Variants in RTN4 observed in about 807,000 individuals in gnomAD.
RTN4 encodes the protein reticulon-4.
A neutral mutation model predicts 90.4 loss-of-function variants in RTN4; 32 were observed. The observed-to-expected ratio is 0.35, with a 90% confidence interval of 0.27 to 0.48. The LOEUF (loss-of-function observed/expected upper bound fraction) is 0.48. Among genes scored for constraint, RTN4 ranks in the 20% least tolerant of loss-of-function variants. RTN4 has a pLI of 0.99. For synonymous variants in RTN4, 629 were observed against 552.5 expected, an observed-to-expected ratio of 1.14 and a Z score of -1.94; for missense variants, 1,706 against 1,430.2, an observed-to-expected ratio of 1.19 and a Z score of -3.11.
intron 3 of RTN4, chr2:55,010,297 G>A: frequency 6.9e-7 from 1 of 1,450,794 alleles, no homozygotes; most frequent in South Asian, 1.5e-5. Flanking sequence ...TCTTCTGGGT[G>A]TGGAACAGTC....
At chr2:55,019,185 T>A (rs1414251674) in intron 3 of RTN4, among the ~76,000 whole-genome samples, 2 of 152,224 alleles carry the variant, frequency 1.3e-5, no homozygotes, top group Non-Finnish European at 2.9e-5. Context: ...ATTAATTAGC[T>A]AATTAATTCA....
intron 2 of RTN4, among the ~76,000 whole-genome samples, chr2:55,072,149 ATT>A (rs5831337): frequency 4.7e-5 from 7 of 148,594 alleles, no homozygotes; most frequent in Non-Finnish European, 8.9e-5. Flanking sequence ...GTTTTTAGTT[ATT>A]TTTTTTTTCA....
the RTN4 span, among the ~76,000 whole-genome samples, chr2:55,127,544 T>C: frequency 6.6e-6 from 1 of 152,356 alleles, no homozygotes; most frequent in East Asian, 1.9e-4. Context: ...GCTAAGTCCA[T>C]ATTATACTTC....
intron 2 of RTN4, among the ~76,000 whole-genome samples, chr2:55,065,555 C>A (rs372027721): frequency 2.0e-5 from 3 of 151,874 alleles, no homozygotes; most frequent in Non-Finnish European, 4.4e-5. Flanking sequence ...TGGATTAATT[C>A]ATGTAAGGGA....
chr2:55,084,064 C>A (rs10197591), intron 1 of RTN4, among the ~76,000 whole-genome samples: 15,876 of 152,136 alleles, frequency 0.1, 1,118 homozygotes, highest in African/African-American at 0.19. Flanking sequence ...GAACTTTCAG[C>A]CCTACTCTGC....
chr2:55,129,691 A>G, the RTN4 span, among the ~76,000 whole-genome samples: 20 of 152,166 alleles, frequency 1.3e-4, no homozygotes, highest in African/African-American at 4.8e-4. Flanking sequence ...CCTCCCGAGT[A>G]GCTGGGACTA....
At chr2:55,084,220 C>T (rs1668793662) in intron 1 of RTN4, among the ~76,000 whole-genome samples, 1 of 151,966 alleles carries the variant, frequency 6.6e-6, no homozygotes, top group Admixed American at 6.6e-5. Context: ...CCCTAAGAGG[C>T]CATAAAAGCT....
chr2:54,975,199 A>G (rs1448163236), intron 5 of RTN4, among the ~76,000 whole-genome samples: 1 of 152,230 alleles, frequency 6.6e-6, no homozygotes, highest in Non-Finnish European at 1.5e-5. Flanking sequence ...GATAAGCAAT[A>G]ATTGGGCAAA....
chr2:55,054,756 G>A (rs551918525), upstream of RTN4, among the ~76,000 whole-genome samples: 70 of 152,272 alleles, frequency 4.6e-4, no homozygotes, highest in Middle Eastern at 3.4e-3. Context: ...GAGCGCCACT[G>A]AATGACATCT....
chr2:54,994,591 A>G (rs576116188), intron 3 of RTN4, among the ~76,000 whole-genome samples: 77 of 152,362 alleles, frequency 5.1e-4, no homozygotes, highest in African/African-American at 1.6e-3. Flanking sequence ...CCTGATAAAG[A>G]GCATCTACAA....
At chr2:54,996,761 G>A (rs1174546679) in intron 3 of RTN4, among the ~76,000 whole-genome samples, 1 of 152,048 alleles carries the variant, frequency 6.6e-6, no homozygotes, top group Non-Finnish European at 1.5e-5. Flanking sequence ...TTATCTTTTT[G>A]TTGTTGTTAT....
rs576841581 is a variant in RTN4, at chr2:54,973,616, C to T, written c.3483G>A (p.Gln1161=). Residue 1161 remains glutamine, a synonymous_variant, in exon 8 of 9, where the codon CAG becomes CAA. Coordinates refer to ENST00000337526, the MANE Select transcript of RTN4 (RefSeq NM_020532.5). ...TTGCAAGTCCTAGATAATGATCTAT[C>T]TGTGCCTGAAAGAGAGGTATAAAGG... ...VPVIYERHQA[Q]IDHYLGLANK... is the part of the protein sequence containing the mutation. 2 of 1,609,420 alleles carry T rather than the reference C, an allele frequency of 1.2e-6. No homozygotes were observed. Among genetic ancestry groups the T allele is most frequent in the South Asian group, 2.2e-5 (2 of 90,960 alleles).
At chr2:55,011,461 A>G (rs1680635065) in intron 3 of RTN4, among the ~76,000 whole-genome samples, 1 of 152,220 alleles carries the variant, frequency 6.6e-6, no homozygotes, top group East Asian at 1.9e-4. Context: ...CCTGATACTT[A>G]TATCTGCCTA....
At chr2:55,047,595 ATTTTC>A (rs1667831215) in intron 1 of RTN4, among the ~76,000 whole-genome samples, 2 of 151,554 alleles carry the variant, frequency 1.3e-5, no homozygotes, top group African/African-American at 4.9e-5. Context: ...AATCAGACTG[ATTTTC>A]TTTTAAGAAA....
chr2:55,122,651 G>A, the RTN4 span, among the ~76,000 whole-genome samples: 1 of 152,234 alleles, frequency 6.6e-6, no homozygotes. Flanking sequence ...GCAGTGTGCT[G>A]GGCAGCACCC....
intron 1 of RTN4, among the ~76,000 whole-genome samples, chr2:55,103,493 A>C (rs942241618): frequency 6.6e-6 from 1 of 152,094 alleles, no homozygotes; most frequent in Non-Finnish European, 1.5e-5. Context: ...CCATACACAC[A>C]CAAAAATTAA....
intron 5 of RTN4, 146 bp downstream of exon 5, chr2:54,982,369 T>C (rs1163100492): frequency 1.5e-5 from 11 of 724,328 alleles, no homozygotes; most frequent in South Asian, 2.2e-5. Flanking sequence ...TTTGATTGGA[T>C]TCTGAATTTT....
chr2:54,992,147 C>A (rs1028698738), intron 3 of RTN4, among the ~76,000 whole-genome samples: 1 of 152,042 alleles, frequency 6.6e-6, no homozygotes, highest in African/African-American at 2.4e-5. Flanking sequence ...AACACAGAGA[C>A]CCCTCATCTC....
chr2:55,056,854 T>C (rs1668199151), intron 2 of RTN4, among the ~76,000 whole-genome samples: 1 of 152,220 alleles, frequency 6.6e-6, no homozygotes, highest in Non-Finnish European at 1.5e-5. Context: ...GTCGGAATTT[T>C]AAAACTCAGG....
Sources: gnomAD v4.1 joint callset for allele counts (sites outside exome capture counted in the v4.1 genomes callset) on GRCh38, gnomAD v4.1.1 for gene constraint, MANE v1.5 for transcripts, NCBI Gene and HGNC (gene_info 2026-07-23, HGNC 2026-07-21) for gene names.